CADPS: variants seen among roughly 807,000 people sequenced by gnomAD.
The protein encoded by CADPS is calcium dependent secretion activator.
In CADPS, 57 loss-of-function variants were observed where a neutral mutation model predicts 167.3. That is an observed-to-expected ratio of 0.34 (90% CI 0.28 to 0.42). The LOEUF (loss-of-function observed/expected upper bound fraction) is 0.42. Among genes scored for constraint, CADPS ranks in the 20% least tolerant of loss-of-function variants. CADPS has a pLI of 1.00. For missense variants in CADPS, 1,414 were observed against 1,738.1 expected, an observed-to-expected ratio of 0.81 and a Z score of 3.32; for synonymous variants, 676 against 635.3, an observed-to-expected ratio of 1.06 and a Z score of -0.96.
At position 62,496,758 on chromosome 3, in the gene CADPS, C is replaced by T. The variant is rs181205889; in HGVS notation, c.2706+2404G>A. Among the ~76,000 whole-genome samples the T allele has an allele frequency of 1.2e-3, 176 of 152,304 alleles. 2 individuals are homozygous for T. The highest frequency in any genetic ancestry group is 4.2e-3 in the African/African-American group (173 of 41,574). ...AGAGCCTAAACTCCTGGACACCCTG[C>T]GTTCTATTGCTTGAAGGACAGGCTG... On this transcript the variant is annotated intron_variant, in intron 18 of 29. Transcript: ENST00000383710.
chr3:62,758,349 G>A (rs1015925150), intron 2 of CADPS, among the ~76,000 whole-genome samples: 4 of 152,168 alleles, frequency 2.6e-5, no homozygotes, highest in African/African-American at 7.2e-5. Context: ...GAACATGGAG[G>A]AAAGAGGCCA....
intron 21 of CADPS, among the ~76,000 whole-genome samples, chr3:62,490,355 T>G (rs1363649897): frequency 6.6e-6 from 1 of 152,140 alleles, no homozygotes. Context: ...AATCCAGCAG[T>G]AGGCTTTACT....
chr3:62,629,392 T>C (rs2064813218), intron 6 of CADPS, among the ~76,000 whole-genome samples: 1 of 152,206 alleles, frequency 6.6e-6, no homozygotes. Flanking sequence ...TGCCTCTGGC[T>C]TTTACTCTGC....
Position 62,478,492 on chromosome 3 carries a change from G to A in CADPS, c.3174-76C>T. 8.4e-6 allele frequency: 12 copies of A among 1,422,190 alleles called. No individual in the cohort carries two copies. Among genetic ancestry groups the A allele is most frequent in the South Asian group, 1.2e-5 (1 of 80,066 alleles). 88.1% of individuals were successfully genotyped at this position (1,422,190 alleles called of 1,614,324 possible). A position where few individuals can be genotyped will look rare whatever the true frequency, so the allele number is the denominator to read the frequency against. ...TACAAAAACTAACACAGAGACAACT[G>A]GGGGCTAGAAGGCAAACAGCAGCTT... On this transcript the variant is annotated intron_variant, in intron 22 of 29. Transcript: ENST00000383710. This position sits in a 1 kb window ranked among gnomAD's most constrained non-coding sequence, Gnocchi z 5.7.
intron 1 of CADPS, among the ~76,000 whole-genome samples, chr3:62,860,132 G>C (rs944102144): frequency 6.6e-6 from 1 of 152,144 alleles, no homozygotes; most frequent in Non-Finnish European, 1.5e-5. Flanking sequence ...CTTGGCTTCT[G>C]TCTTTGCTCA....
chr3:62,528,135 T>C, intron 13 of CADPS, among the ~76,000 whole-genome samples: 1 of 152,214 alleles, frequency 6.6e-6, no homozygotes, highest in East Asian at 1.9e-4. Context: ...CCTGGAAATG[T>C]TGAAACAAAT....
At chr3:62,571,749 A>G (rs2081330080) in intron 8 of CADPS, among the ~76,000 whole-genome samples, 1 of 152,190 alleles carries the variant, frequency 6.6e-6, no homozygotes, top group East Asian at 1.9e-4. Flanking sequence ...TTTTTGATAG[A>G]GATGGGGTTT....
chr3:62,764,314 T>G (rs1259096412), intron 2 of CADPS, among the ~76,000 whole-genome samples: 2 of 152,122 alleles, frequency 1.3e-5, no homozygotes, highest in Non-Finnish European at 2.9e-5. Flanking sequence ...TCATTTCTAC[T>G]CCCCATGAAA....
intron 1 of CADPS, among the ~76,000 whole-genome samples, chr3:62,811,209 G>A (rs2094377633): frequency 6.6e-6 from 1 of 152,060 alleles, no homozygotes; most frequent in African/African-American, 2.4e-5. Context: ...ATTTAACTAA[G>A]AGAGTAGCCT....
intron 6 of CADPS, among the ~76,000 whole-genome samples, chr3:62,599,838 TATTA>T (rs2059642449): frequency 1.3e-3 from 3 of 2,284 alleles, no homozygotes; most frequent in African/African-American, 1.5e-3. Flanking sequence ...ATATATAATA[TATTA>T]TATATATATA....
At chr3:62,720,829 T>C (rs28734141) in intron 3 of CADPS, among the ~76,000 whole-genome samples, 38 of 146,956 alleles carry the variant, frequency 2.6e-4, no homozygotes, top group Admixed American at 4.1e-4. Flanking sequence ...TTTTTTTTTT[T>C]CTTTTTGAGG....
chr3:62,873,245 CAG>C (rs1262256536), intron 1 of CADPS, among the ~76,000 whole-genome samples: 18 of 152,212 alleles, frequency 1.2e-4, no homozygotes, highest in African/African-American at 4.3e-4. Flanking sequence ...GCAAAACAAA[CAG>C]AGAAATCTGT....
intron 6 of CADPS, among the ~76,000 whole-genome samples, chr3:62,594,139 A>T (rs973423083): frequency 1.3e-5 from 2 of 148,838 alleles, no homozygotes; most frequent in Admixed American, 6.7e-5. Flanking sequence ...TATTTTTTTT[A>T]TTTATTTTTT....
At chr3:62,770,143 C>G (rs903421454) in intron 1 of CADPS, among the ~76,000 whole-genome samples, 21 of 152,152 alleles carry the variant, frequency 1.4e-4, no homozygotes, top group African/African-American at 5.1e-4. Flanking sequence ...AGCCTTTGCT[C>G]TTGCTGTTCC....
At chr3:62,826,140 C>A (rs2073998584) in intron 1 of CADPS, among the ~76,000 whole-genome samples, 1 of 152,134 alleles carries the variant, frequency 6.6e-6, no homozygotes, top group East Asian at 1.9e-4. Flanking sequence ...GCAGTGGAGG[C>A]AGATGACAGT....
intron 1 of CADPS, among the ~76,000 whole-genome samples, chr3:62,798,761 T>C (rs2093600975): frequency 6.6e-6 from 1 of 152,168 alleles, no homozygotes; most frequent in South Asian, 2.1e-4. Flanking sequence ...TCCACATAGC[T>C]TCTTTACACA....
At chr3:62,488,959 T>G (rs1257836315) in intron 21 of CADPS, among the ~76,000 whole-genome samples, 1 of 152,202 alleles carries the variant, frequency 6.6e-6, no homozygotes, top group South Asian at 2.1e-4. Flanking sequence ...TCGCAACTAT[T>G]ATTCCTTTAT....
At chr3:62,829,292 C>G (rs948360443) in intron 1 of CADPS, among the ~76,000 whole-genome samples, 5 of 151,990 alleles carry the variant, frequency 3.3e-5, no homozygotes, top group Non-Finnish European at 7.4e-5. Context: ...AGTGTAACAA[C>G]TATTTATATA....
intron 1 of CADPS, among the ~76,000 whole-genome samples, chr3:62,796,631 T>C (rs1475599608): frequency 6.6e-6 from 1 of 152,172 alleles, no homozygotes; most frequent in African/African-American, 2.4e-5. Context: ...ATTGCAACTC[T>C]TATTTATATG....
Sources: gnomAD v4.1 joint callset for allele counts (sites outside exome capture counted in the v4.1 genomes callset) on GRCh38, gnomAD v4.1.1 for gene constraint, Gnocchi (gnomAD v3.1) non-coding constraint, MANE v1.5 for transcripts, NCBI Gene and HGNC (gene_info 2026-07-23, HGNC 2026-07-21) for gene names.